HDAC9: variants seen among roughly 807,000 people sequenced by gnomAD.
The protein encoded by HDAC9 is histone deacetylase 9, also known as MEF-2 interacting transcription repressor (MITR) protein.
In HDAC9, 41 loss-of-function variants were observed where a neutral mutation model predicts 139.4. That is an observed-to-expected ratio of 0.29 (90% CI 0.23 to 0.38). HDAC9 has a LOEUF of 0.38. Among genes scored for constraint, HDAC9 ranks in the 10% least tolerant of loss-of-function variants. The pLI, the probability that HDAC9 is intolerant of heterozygous loss-of-function variation, is 1.00. For synonymous variants in HDAC9, 517 were observed against 476.2 expected (o/e 1.09, Z -1.12); for missense variants, 1,147 against 1,297.0 (o/e 0.88, Z 1.78).
chr7:18,391,033 G>C (rs1424222094), intron 1 of HDAC9, among the ~76,000 whole-genome samples: 2 of 152,146 alleles, frequency 1.3e-5, no homozygotes, highest in Non-Finnish European at 2.9e-5. Context: ...AAGTTGCAAT[G>C]AGCCAAGATT....
At chr7:18,501,373 G>T (rs1798308059) in intron 2 of HDAC9, among the ~76,000 whole-genome samples, 1 of 151,950 alleles carries the variant, frequency 6.6e-6, no homozygotes, top group Non-Finnish European at 1.5e-5. Context: ...ACTCCCTGCT[G>T]CTTAAAATAG....
At chr7:18,352,310 A>T (rs968374110) in intron 1 of HDAC9, among the ~76,000 whole-genome samples, 2 of 152,216 alleles carry the variant, frequency 1.3e-5, no homozygotes, top group African/African-American at 4.8e-5. Context: ...AAACAAAATG[A>T]AGTAAGATAG....
chr7:18,547,824 C>CTTCCTTCCTTCCTTCCTTCT (rs1815530703), intron 2 of HDAC9, among the ~76,000 whole-genome samples: 2 of 125,960 alleles, frequency 1.6e-5, no homozygotes, highest in African/African-American at 6.2e-5. Flanking sequence ...TCCTTCCTTC[C>CTTCCTTCCTTCCTTCCTTCT]TTCCTTCCTT....
chr7:18,952,239 G>T (rs902763978), intron 23 of HDAC9, among the ~76,000 whole-genome samples: 1 of 151,854 alleles, frequency 6.6e-6, no homozygotes, highest in African/African-American at 2.4e-5. Flanking sequence ...TAAATTGGGG[G>T]TTTAGGGGTG....
chr7:18,661,146 A>G (rs1793004012), intron 11 of HDAC9, among the ~76,000 whole-genome samples: 1 of 152,084 alleles, frequency 6.6e-6, no homozygotes, highest in Non-Finnish European at 1.5e-5. Flanking sequence ...ATGTTAAGAT[A>G]AAGCCTTTAT....
chr7:18,322,984 G>A (rs1355746650), intron 1 of HDAC9, among the ~76,000 whole-genome samples: 1 of 152,066 alleles, frequency 6.6e-6, no homozygotes, highest in African/African-American at 2.4e-5. Flanking sequence ...GTATGACAGG[G>A]AAAAGAACTC....
chr7:18,756,673 A>G (rs1411863359), intron 14 of HDAC9, among the ~76,000 whole-genome samples: 2 of 152,226 alleles, frequency 1.3e-5, no homozygotes, highest in Non-Finnish European at 2.9e-5. Flanking sequence ...AAACATCTTT[A>G]TGTTCATAGA....
chr7:18,553,315 T>A (rs1467563863), intron 2 of HDAC9, among the ~76,000 whole-genome samples: 2 of 152,212 alleles, frequency 1.3e-5, no homozygotes, highest in Non-Finnish European at 2.9e-5. Context: ...ATAAAAACCT[T>A]AAGAACCCTA....
chr7:18,690,377 C>T (rs1782586789), intron 12 of HDAC9, among the ~76,000 whole-genome samples: 1 of 151,922 alleles, frequency 6.6e-6, no homozygotes, highest in Admixed American at 6.6e-5. Flanking sequence ...TTTGTTTTGG[C>T]AGAGGCTGGT....
At chr7:18,912,400 A>G (rs895197923) in intron 22 of HDAC9, among the ~76,000 whole-genome samples, 6 of 152,140 alleles carry the variant, frequency 3.9e-5, no homozygotes, top group African/African-American at 1.4e-4. Flanking sequence ...ATAAGTGGGT[A>G]TAAGTATTAA....
At chr7:18,894,583 G>T (rs1554395647) in intron 22 of HDAC9, among the ~76,000 whole-genome samples, 6 of 152,068 alleles carry the variant, frequency 3.9e-5, no homozygotes, top group Non-Finnish European at 8.8e-5. Context: ...TTGGAGGAGA[G>T]AAATTGTAGA....
At chr7:18,177,879 C>A (rs1221235541) in intron 2 of HDAC9, among the ~76,000 whole-genome samples, 1 of 152,248 alleles carries the variant, frequency 6.6e-6, no homozygotes, top group South Asian at 2.1e-4. Flanking sequence ...TATAGTGGTG[C>A]TAGGGGCATG....
rs1562893537 is a variant in HDAC9 at position 18,732,908 on chromosome 7, C to CGTATGTGTACACACACGTGTAT, written c.1909+5160_1909+5161insCACACACGTGTATGTATGTGTA. Among the ~76,000 whole-genome samples, 2 of 63,074 alleles carry CGTATGTGTACACACACGTGTAT rather than the reference C, an allele frequency of 3.2e-5. 1 individual carries two copies. The highest frequency in any genetic ancestry group is 1.9e-4 in the African/African-American group (2 of 10,320). 41.4% of individuals were successfully genotyped at this position (63,074 alleles called of 152,430 possible). Reference sequence around the variant, plus strand: ...GCGTATGTGTACACACACACGTGTGCGTATGTGTATACACACGTGTGTATG... The same window carrying CGTATGTGTACACACACGTGTAT: ...GCGTATGTGTACACACACACGTGTGCGTATGTGTACACACACGTGTATGTATGTGTATACACACGTGTGTATG... On this transcript the variant is annotated intron_variant, in intron 13 of 25. Transcript: ENST00000686413.
At chr7:18,273,216 C>A (rs1796502904) in intron 2 of HDAC9, among the ~76,000 whole-genome samples, 1 of 151,568 alleles carries the variant, frequency 6.6e-6, no homozygotes, top group African/African-American at 2.4e-5. Context: ...ACAGGCATGC[C>A]ACACCATGCC....
intron 13 of HDAC9, among the ~76,000 whole-genome samples, chr7:18,739,421 G>A (rs899106495): frequency 1.8e-4 from 28 of 152,216 alleles, no homozygotes; most frequent in Admixed American, 1.1e-3. Flanking sequence ...GGTCTTTGAT[G>A]TTGGTGACCT....
chr7:18,598,900 A>T (rs1250046818), intron 6 of HDAC9, among the ~76,000 whole-genome samples: 1 of 152,248 alleles, frequency 6.6e-6, no homozygotes, highest in South Asian at 2.1e-4. Context: ...ATCCAAAAGA[A>T]GCAGCAGGCT....
At chr7:18,518,230 T>C (rs1803861040) in intron 2 of HDAC9, among the ~76,000 whole-genome samples, 1 of 152,210 alleles carries the variant, frequency 6.6e-6, no homozygotes, top group African/African-American at 2.4e-5. Context: ...TAATGACTCA[T>C]TTATTTGGGA....
At chr7:18,167,968 C>T (rs1367580329) in intron 2 of HDAC9, among the ~76,000 whole-genome samples, 1 of 152,134 alleles carries the variant, frequency 6.6e-6, no homozygotes, top group African/African-American at 2.4e-5. Context: ...AAGTAATTTT[C>T]CTTTGAAGAG....
chr7:18,663,445 G>A (rs1295363157), intron 11 of HDAC9, among the ~76,000 whole-genome samples: 9 of 151,844 alleles, frequency 5.9e-5, no homozygotes, highest in Non-Finnish European at 8.8e-5. Flanking sequence ...GTTCCAAGTC[G>A]CGCCCTCCCT....
Sources: allele counts gnomAD v4.1 joint callset (sites outside exome capture counted in the v4.1 genomes callset), GRCh38; gene constraint gnomAD v4.1.1; transcripts MANE v1.5; gene names NCBI Gene and HGNC (gene_info 2026-07-23, HGNC 2026-07-21).